Variants in MCM7 observed in about 807,000 individuals in gnomAD.
MCM7 encodes the protein minichromosome maintenance complex component 7.
Under a neutral mutation model 83.5 loss-of-function variants are expected in MCM7, and 95 were observed. The observed-to-expected ratio is 1.14, with a 90% CI of 0.96 to 1.35. The LOEUF (loss-of-function observed/expected upper bound fraction) is 1.35, where lower values mean the gene tolerates loss of function less well. Ranked by LOEUF, MCM7 falls within the 40% of genes most tolerant of loss-of-function variation. The pLI is 0.00. For missense variants in MCM7, 1,087 were observed against 957.4 expected (o/e 1.14, Z -1.79); for synonymous variants, 461 against 352.7 (o/e 1.31, Z -3.44).
Position 100,098,188 on chromosome 7 carries a change from C to T in MCM7, c.823G>A (p.Gly275Ser). The change falls in exon 7 of 15, where the codon GGT becomes AGT. Residue 275 changes from glycine (G) to serine (S), a missense_variant. Transcript: ENST00000303887. The part of the protein sequence containing the change: ...AQPGDHVSVT[G>S]IFLPILRTGF... ...GTGCGCAGGATTGGCAAGAAAATACCAGTGACGCTGACGTGGTCTCCAGGC... is the reference window on the plus strand; with the variant it reads ...GTGCGCAGGATTGGCAAGAAAATACTAGTGACGCTGACGTGGTCTCCAGGC... 6.2e-7 allele frequency: 1 copy of T among 1,614,152 alleles called. No individual in the cohort carries two copies. Among genetic ancestry groups the T allele is most frequent in the Middle Eastern group, 1.7e-4 (1 of 6,060 alleles).
At chr7:100,095,233 A>C (rs1452269118) in intron 12 of MCM7, among the ~76,000 whole-genome samples, 154 bp downstream of exon 12, 1 of 152,236 alleles carries the variant, frequency 6.6e-6, no homozygotes, top group Non-Finnish European at 1.5e-5. Context: ...TGAAGTGTGG[A>C]ATTTTCCACT....
intron 2 of MCM7, 96 bp from the exon 3 acceptor site, chr7:100,099,849 G>GC: frequency 6.5e-7 from 1 of 1,529,766 alleles, no homozygotes; most frequent in Non-Finnish European, 8.9e-7. Context: ...CTCAGCACAG[G>GC]CTCTGGGCAT....
intron 13 of MCM7, chr7:100,093,932 CCT>C: frequency 7.1e-6 from 5 of 706,388 alleles, no homozygotes; most frequent in South Asian, 1.5e-5. Flanking sequence ...CCCCAACCAC[CCT>C]CTCAGTGAAG....
In MCM7 at chr7:100,097,959, A is replaced by G; in HGVS notation, c.871-11T>C. On this transcript the variant is annotated splice_polypyrimidine_tract_variant and intron_variant, in intron 7 of 14. Coordinates refer to ENST00000303887, the MANE Select transcript of MCM7 (RefSeq NM_005916.5). ...TTCTGAGAGTAAACCCTTGGGCAGG[A>G]AAATGCCAGGATACAGATGTAATCC... 6.2e-7 allele frequency: 1 copy of G among 1,611,962 alleles called. No individual in the cohort carries two copies. The highest frequency in any genetic ancestry group is 1.1e-5 in the South Asian group (1 of 91,020).
chr7:100,098,537 C>T, intron 6 of MCM7, 41 bp downstream of exon 6: 1 of 1,611,194 alleles, frequency 6.2e-7, no homozygotes, highest in Non-Finnish European at 8.5e-7. Context: ...TTCAAGTGGA[C>T]TCCCGATCCA....
intron 12 of MCM7, among the ~76,000 whole-genome samples, chr7:100,094,824 T>C (rs2116560116): frequency 6.6e-6 from 1 of 152,298 alleles, no homozygotes; most frequent in East Asian, 1.9e-4. Flanking sequence ...ATGCATGAGA[T>C]AGCTTGGGGA....
intron 10 of MCM7, 124 bp downstream of exon 10, chr7:100,097,176 TC>T: frequency 1.2e-6 from 1 of 804,002 alleles, no homozygotes; most frequent in East Asian, 2.7e-5. Context: ...CAAATGATTC[TC>T]CTGCCTCAGC....
Position 100,099,210 on chromosome 7 carries a change from G to A in MCM7, c.402-7C>T, listed in dbSNP as rs1408719346. ...GCCTTGAAAATACAGCTCACTAAGG[G>A]GAGAAAACAGTCACAAACAAGATCC... On this transcript the variant is annotated splice_region_variant and splice_polypyrimidine_tract_variant and intron_variant, in intron 4 of 14. Coordinates refer to ENST00000303887, the MANE Select transcript of MCM7 (RefSeq NM_005916.5). 2.5e-6 allele frequency: 4 copies of A among 1,613,892 alleles called. No homozygotes were observed. Among genetic ancestry groups the A allele is most frequent in the Non-Finnish European group, 3.4e-6 (4 of 1,179,928 alleles).
Position 100,099,054 on chromosome 7 carries a change from CAAGTGT to C in MCM7, c.545_550del (p.Tyr182_Thr183del). ...GTAGGTCTCTGCCCCACACTGGTCA[CAAGTGT>C]AAGTGGCCACCACCATCTTGGGTTT... is the stretch of plus-strand genomic sequence containing the variant. On this transcript the variant is annotated inframe_deletion, in exon 5 of 15. Coordinates refer to ENST00000303887, the MANE Select transcript of MCM7 (RefSeq NM_005916.5). 2 of 1,614,194 alleles carry C rather than the reference CAAGTGT, an allele frequency of 1.2e-6. No individual in the cohort carries two copies. Among genetic ancestry groups the C allele is most frequent in the Non-Finnish European group, 1.7e-6 (2 of 1,180,038 alleles).
intron 3 of MCM7, 65 bp from the exon 4 acceptor site, chr7:100,099,468 G>A (rs1345901933): frequency 1.3e-6 from 2 of 1,580,734 alleles, no homozygotes; most frequent in South Asian, 1.2e-5. Context: ...AGAGCACAGA[G>A]AACACCAGGC....
intron 1 of MCM7, chr7:100,100,332 C>T (rs893623368): frequency 8.4e-7 from 1 of 1,192,278 alleles, no homozygotes; most frequent in Non-Finnish European, 1.0e-6. Flanking sequence ...AATTCCGGTC[C>T]CTACTTTAGT....
chr7:100,100,637 C>G (rs1240098571), intron 1 of MCM7: 2 of 989,768 alleles, frequency 2.0e-6, no homozygotes, highest in African/African-American at 3.5e-5. Flanking sequence ...AGAGACACCG[C>G]GATCCCAGCC....
Position 100,095,816 on chromosome 7 carries a change from A to C in MCM7, c.1553T>G (p.Leu518Arg). 1 of 1,604,676 alleles carries C rather than the reference A, an allele frequency of 6.2e-7. No individual in the cohort carries two copies. The highest frequency in any genetic ancestry group is 8.5e-7 in the Non-Finnish European group (1 of 1,175,948). ...GTCGGGCCGGTCCTGAATCAGCCAGAGGAGGTCAAACCGGGAGAGCAGTGC... is the reference window on the plus strand; with the variant it reads ...GTCGGGCCGGTCCTGAATCAGCCAGCGGAGGTCAAACCGGGAGAGCAGTGC... ...PAALLSRFDL[L>R]WLIQDRPDRD... Residue 518 changes from leucine (L) to arginine (R), a missense_variant, in exon 11 of 15, where the codon CTC (leucine) becomes CGC (arginine). Physicochemically the swap from Leu to Arg is moderately radical, Grantham distance 102. Transcript: ENST00000303887.
At chr7:100,097,245 A>C (rs1795687143) in intron 10 of MCM7, 56 bp downstream of exon 10, 7 of 1,497,742 alleles carry the variant, frequency 4.7e-6, no homozygotes, top group Non-Finnish European at 5.6e-6. Flanking sequence ...TTTTTGAATA[A>C]ACACTGTGGT....
At chr7:100,100,310 T>C in intron 1 of MCM7, 1 of 1,285,242 alleles carries the variant, frequency 7.8e-7, no homozygotes, top group Non-Finnish European at 9.9e-7. Flanking sequence ...CCATCCAACA[T>C]CTCCCCAGGG....
At chr7:100,097,511 G>A in intron 9 of MCM7, 103 bp downstream of exon 9, 1 of 1,586,120 alleles carries the variant, frequency 6.3e-7, no homozygotes, top group South Asian at 1.1e-5. Flanking sequence ...TGTCCACGAA[G>A]GCAAGATGTC....
Position 100,100,107 on chromosome 7 carries a change from T to G in MCM7, c.32-14A>C, listed in dbSNP as rs747525291. ...TCTTAACCTTTTCTGTAACATGAAA[T>G]GTAAAACCGTAAGACACAAACTTTA... On this transcript the variant is annotated splice_polypyrimidine_tract_variant and intron_variant, in intron 1 of 14. Coordinates refer to ENST00000303887, the MANE Select transcript of MCM7 (RefSeq NM_005916.5). 6.2e-7 allele frequency: 1 copy of G among 1,613,522 alleles called. No individual in the cohort carries two copies. Among genetic ancestry groups the G allele is most frequent in the South Asian group, 1.1e-5 (1 of 90,926 alleles).
intron 1 of MCM7, 159 bp from the exon 2 acceptor site, chr7:100,100,252 T>C (rs576949973): frequency 7.1e-7 from 1 of 1,408,978 alleles, no homozygotes; most frequent in Admixed American, 2.9e-5. Flanking sequence ...TTTTCACAAG[T>C]CTGTTTCTAA....
At chr7:100,095,590 G>T in intron 11 of MCM7, 120 bp from the exon 12 acceptor site, 1 of 1,303,050 alleles carries the variant, frequency 7.7e-7, no homozygotes, top group South Asian at 1.4e-5. Context: ...AGCTTTCCCG[G>T]GAAATCCTCA....
Sources: gnomAD v4.1 joint callset for allele counts (sites outside exome capture counted in the v4.1 genomes callset) on GRCh38, gnomAD v4.1.1 for gene constraint, MANE v1.5 for transcripts, NCBI Gene and HGNC (gene_info 2026-07-23, HGNC 2026-07-21) for gene names.